The following TRAPPC9 variants were observed in gnomAD, a reference collection of about 807,000 sequenced individuals.
TRAPPC9 encodes trafficking protein particle complex subunit 9, also known as IKK2 binding protein.
Under a neutral mutation model 124.0 loss-of-function variants are expected in TRAPPC9, and 83 were observed. The observed-to-expected ratio is 0.67, with a 90% CI of 0.56 to 0.80. The LOEUF is 0.80. Ranked by LOEUF, TRAPPC9 falls within the 30% of genes least tolerant of loss-of-function variation. The pLI, the probability that TRAPPC9 is intolerant of heterozygous loss-of-function variation, is 0.00. For synonymous variants in TRAPPC9, 638 were observed against 617.5 expected (o/e 1.03, Z -0.49); for missense variants, 1,302 against 1,508.3 (o/e 0.86, Z 2.27).
At chr8:139,799,298 TC>T (rs1823307111) in intron 21 of TRAPPC9, among the ~76,000 whole-genome samples, 1 of 152,144 alleles carries the variant, frequency 6.6e-6, no homozygotes, top group African/African-American at 2.4e-5. Context: ...CATCCTGAAT[TC>T]CTTGATCACA....
At chr8:139,973,676 C>A (rs1199351159) in intron 19 of TRAPPC9, among the ~76,000 whole-genome samples, 1 of 152,176 alleles carries the variant, frequency 6.6e-6, no homozygotes, top group African/African-American at 2.4e-5. Context: ...CCGGAAGGCA[C>A]GGGTGAAACC....
intron 7 of TRAPPC9, among the ~76,000 whole-genome samples, chr8:140,393,347 A>G (rs2068987358): frequency 6.6e-6 from 1 of 152,192 alleles, no homozygotes; most frequent in Non-Finnish European, 1.5e-5. Context: ...GCCAAAGTCC[A>G]TGCTTCTTCC....
chr8:140,206,185 G>A (rs552344989), intron 17 of TRAPPC9, among the ~76,000 whole-genome samples: 43 of 152,182 alleles, frequency 2.8e-4, no homozygotes, highest in African/African-American at 9.4e-4. Context: ...ATAAGCATTC[G>A]GGAAAATTCA....
At chr8:140,248,247 A>G (rs188416819) in intron 16 of TRAPPC9, among the ~76,000 whole-genome samples, 8 of 152,344 alleles carry the variant, frequency 5.3e-5, no homozygotes, top group Admixed American at 5.2e-4. Context: ...CCCTAGTTTC[A>G]GCCAGATCTT....
intron 21 of TRAPPC9, among the ~76,000 whole-genome samples, chr8:139,774,474 C>T (rs1821220558): frequency 6.6e-6 from 1 of 152,210 alleles, no homozygotes; most frequent in African/African-American, 2.4e-5. Flanking sequence ...TCCCCCAACA[C>T]AAACTCATCC....
At chr8:140,162,803 T>C (rs575428328) in intron 17 of TRAPPC9, among the ~76,000 whole-genome samples, 1 of 152,196 alleles carries the variant, frequency 6.6e-6, no homozygotes, top group East Asian at 1.9e-4. Flanking sequence ...GCCTGGGCAA[T>C]AGGCTAAGAC....
chr8:140,342,066 T>A (rs548296393), intron 9 of TRAPPC9, among the ~76,000 whole-genome samples: 1 of 152,214 alleles, frequency 6.6e-6, no homozygotes, highest in South Asian at 2.1e-4. Context: ...TCAGGATGAG[T>A]TGCCATATTC....
intron 17 of TRAPPC9, among the ~76,000 whole-genome samples, chr8:140,083,497 C>T (rs78759653): frequency 0.027 from 4,094 of 152,116 alleles, 155 homozygotes; most frequent in African/African-American, 0.086. Flanking sequence ...CAGGGAAGAG[C>T]GAGAACCACA....
chr8:140,391,918 C>T (rs1312032465), intron 7 of TRAPPC9, among the ~76,000 whole-genome samples: 3 of 151,448 alleles, frequency 2.0e-5, no homozygotes, highest in Non-Finnish European at 4.4e-5. Flanking sequence ...CCCAGCTACT[C>T]GGGAGGGTGA....
At chr8:140,335,705 A>ATTTTTTTTTTTTTTT (rs10622473) in intron 9 of TRAPPC9, among the ~76,000 whole-genome samples, 1 of 131,692 alleles carries the variant, frequency 7.6e-6, no homozygotes. Context: ...AGTCTTCACA[A>ATTTTTTTTTTTTTTT]TTTTTTTTTT....
intron 11 of TRAPPC9, among the ~76,000 whole-genome samples, 173 bp downstream of exon 11, chr8:140,300,292 TATGC>T (rs2065934792): frequency 7.0e-6 from 1 of 142,438 alleles, no homozygotes; most frequent in Middle Eastern, 3.4e-3. Context: ...CACACATACA[TATGC>T]ATGCATGCAC....
At chr8:139,990,537 C>T (rs1837570016) in intron 18 of TRAPPC9, among the ~76,000 whole-genome samples, 1 of 152,038 alleles carries the variant, frequency 6.6e-6, no homozygotes. Flanking sequence ...TTTTTCAGAA[C>T]GTGGGCGTGT....
At chr8:140,000,494 G>A (rs897668429) in intron 18 of TRAPPC9, among the ~76,000 whole-genome samples, 2 of 152,120 alleles carry the variant, frequency 1.3e-5, no homozygotes, top group African/African-American at 4.8e-5. Flanking sequence ...CTGACAAAGG[G>A]CTAATATCCA....
chr8:139,975,983 C>T (rs1315362403), intron 19 of TRAPPC9, among the ~76,000 whole-genome samples: 5 of 149,786 alleles, frequency 3.3e-5, no homozygotes, highest in South Asian at 2.1e-4. Flanking sequence ...TTCACCCCCC[C>T]GGGGTTCACG....
intron 15 of TRAPPC9, among the ~76,000 whole-genome samples, chr8:140,272,013 C>CGG (rs1554657801): frequency 6.1e-5 from 9 of 147,772 alleles, no homozygotes; most frequent in South Asian, 2.2e-4. Context: ...ATGGTGGTGA[C>CGG]GGGTGATGGT....
intron 19 of TRAPPC9, among the ~76,000 whole-genome samples, chr8:139,964,417 A>G (rs1430457123): frequency 1.3e-5 from 2 of 152,026 alleles, no homozygotes; most frequent in African/African-American, 4.8e-5. Flanking sequence ...CACTAACTCA[A>G]CACTCTCTAA....
chr8:140,003,139 A>G (rs1437149294), intron 18 of TRAPPC9, among the ~76,000 whole-genome samples: 1 of 152,188 alleles, frequency 6.6e-6, no homozygotes, highest in Non-Finnish European at 1.5e-5. Flanking sequence ...TATATTTTAA[A>G]AACTTTTGAA....
intron 17 of TRAPPC9, among the ~76,000 whole-genome samples, chr8:140,032,564 T>G (rs1343681690): frequency 6.6e-6 from 1 of 152,186 alleles, no homozygotes; most frequent in Non-Finnish European, 1.5e-5. Context: ...AGAATATCCT[T>G]TGCAGGTTAT....
intron 18 of TRAPPC9, among the ~76,000 whole-genome samples, chr8:140,022,258 A>G (rs1447155246): frequency 6.6e-6 from 1 of 152,228 alleles, no homozygotes; most frequent in African/African-American, 2.4e-5. Flanking sequence ...TCAGAAGTCC[A>G]ATCCACAGGG....
Sources: allele counts gnomAD v4.1 joint callset (sites outside exome capture counted in the v4.1 genomes callset), GRCh38; gene constraint gnomAD v4.1.1; transcripts MANE v1.5; gene names NCBI Gene and HGNC (gene_info 2026-07-23, HGNC 2026-07-21).